The following SORCS3 variants were observed in gnomAD, a reference collection of about 807,000 sequenced individuals.
SORCS3 encodes VPS10 domain-containing receptor SorCS3.
In SORCS3, 57 loss-of-function variants were observed where a neutral mutation model predicts 146.3. The ratio of observed to expected loss-of-function variants is 0.39; its 90% confidence interval spans 0.31 to 0.49. The LOEUF (loss-of-function observed/expected upper bound fraction) is 0.49. Among genes scored for constraint, SORCS3 ranks in the 20% least tolerant of loss-of-function variants. The pLI, the probability that SORCS3 is intolerant of heterozygous loss-of-function variation, is 0.92. For missense variants in SORCS3, 1,341 were observed against 1,575.5 expected (o/e 0.85, Z 2.52); for synonymous variants, 653 against 618.5 (o/e 1.06, Z -0.83).
chr10:105,130,447 GC>G (rs903765363), intron 7 of SORCS3, among the ~76,000 whole-genome samples: 12 of 152,016 alleles, frequency 7.9e-5, no homozygotes, highest in African/African-American at 2.9e-4. Flanking sequence ...TGCCATACTA[GC>G]ATTAACAAAA....
chr10:105,261,467 C>T (rs1236004798), intron 25 of SORCS3, among the ~76,000 whole-genome samples: 1 of 152,196 alleles, frequency 6.6e-6, no homozygotes, highest in Non-Finnish European at 1.5e-5. Flanking sequence ...CTCAACCCAT[C>T]CAGTCCAGAC....
chr10:105,060,857 A>C (rs2055481025), intron 5 of SORCS3, among the ~76,000 whole-genome samples: 1 of 152,060 alleles, frequency 6.6e-6, no homozygotes, highest in Non-Finnish European at 1.5e-5. Flanking sequence ...GAATCCCTTC[A>C]ACCCGGGAGG....
Position 104,890,124 on chromosome 10 carries a change from C to T in SORCS3, c.696-25709C>T, listed in dbSNP as rs182205518. Among the ~76,000 whole-genome samples, 269 of 152,024 alleles carry T rather than the reference C, an allele frequency of 1.8e-3. 1 individual carries two copies. Among genetic ancestry groups the T allele is most frequent in the Middle Eastern group, 0.01 (3 of 294 alleles). On this transcript the variant is annotated intron_variant, in intron 2 of 26. Coordinates refer to ENST00000369701, the MANE Select transcript of SORCS3 (RefSeq NM_014978.3). ...ATCACTGATGTTAAGCAATTGAGTA[C>T]GACGTGCTTTGATGTTGTTTTATTC...
At chr10:104,757,721 T>C (rs551028082) in intron 1 of SORCS3, among the ~76,000 whole-genome samples, 3 of 152,144 alleles carry the variant, frequency 2.0e-5, no homozygotes, top group Non-Finnish European at 2.9e-5. Flanking sequence ...CTTTTCTTTC[T>C]TTCGAGTTCT....
At chr10:104,791,684 C>T (rs2017497165) in intron 1 of SORCS3, among the ~76,000 whole-genome samples, 1 of 152,170 alleles carries the variant, frequency 6.6e-6, no homozygotes, top group African/African-American at 2.4e-5. Context: ...CGTGGGAATG[C>T]TGATGTCTGA....
chr10:105,233,856 G>A (rs2056778461), intron 20 of SORCS3, among the ~76,000 whole-genome samples: 1 of 152,134 alleles, frequency 6.6e-6, no homozygotes, highest in African/African-American at 2.4e-5. Context: ...TGTGAACAGT[G>A]CCACAATAAA....
intron 5 of SORCS3, among the ~76,000 whole-genome samples, chr10:105,081,135 A>G (rs991706565): frequency 2.0e-5 from 3 of 152,224 alleles, no homozygotes; most frequent in Non-Finnish European, 4.4e-5. Flanking sequence ...TAATAAAATT[A>G]TCATTTTTAA....
intron 3 of SORCS3, among the ~76,000 whole-genome samples, chr10:104,925,393 A>G (rs772179884): frequency 6.6e-6 from 1 of 152,206 alleles, no homozygotes; most frequent in African/African-American, 2.4e-5. Flanking sequence ...TGTCCAAGGC[A>G]AACATGATAT....
At chr10:105,208,753 C>T (rs972638800) in intron 16 of SORCS3, among the ~76,000 whole-genome samples, 1 of 151,954 alleles carries the variant, frequency 6.6e-6, no homozygotes, top group Admixed American at 6.6e-5. Context: ...TTAATAGTGG[C>T]TTTAACAACC....
At chr10:105,127,393 A>G (rs1231131000) in intron 7 of SORCS3, among the ~76,000 whole-genome samples, 1 of 152,140 alleles carries the variant, frequency 6.6e-6, no homozygotes, top group East Asian at 1.9e-4. Context: ...CAAAGTGAAA[A>G]GAGCCTGGAG....
chr10:104,696,971 G>T (rs904659129), intron 1 of SORCS3, among the ~76,000 whole-genome samples: 2 of 150,206 alleles, frequency 1.3e-5, no homozygotes, highest in Non-Finnish European at 3.0e-5. Context: ...ACTGGCGGGT[G>T]GAGGATATGG....
chr10:104,720,685 G>A (rs1589471713), intron 1 of SORCS3, among the ~76,000 whole-genome samples: 1 of 152,296 alleles, frequency 6.6e-6, no homozygotes, highest in South Asian at 2.1e-4. Context: ...GTGTGAGATG[G>A]TATCTCATTG....
At chr10:104,986,084 T>C (rs2054960562) in intron 4 of SORCS3, among the ~76,000 whole-genome samples, 1 of 152,258 alleles carries the variant, frequency 6.6e-6, no homozygotes, top group Non-Finnish European at 1.5e-5. Context: ...GTGAAAGTCC[T>C]AGATGACACT....
intron 1 of SORCS3, among the ~76,000 whole-genome samples, chr10:104,716,301 C>T (rs1468000067): frequency 2.0e-5 from 3 of 152,104 alleles, no homozygotes; most frequent in Admixed American, 1.3e-4. Flanking sequence ...GATATCTACA[C>T]GGAAGGTCCT....
In SORCS3 at chr10:104,901,141, C is replaced by T. The variant is rs147848244; in HGVS notation, c.696-14692C>T. 2.2e-4 allele frequency among the ~76,000 whole-genome samples: 34 copies of T among 152,284 alleles called. No individual in the cohort carries two copies. The East Asian group carries it at 6.4e-3, about 29-fold the overall frequency. Reference sequence around the variant, plus strand: ...TCTTCATTGACATTGTCACCATCATCATCATATTAATAATGGCCACCATTT... The same window carrying T: ...TCTTCATTGACATTGTCACCATCATTATCATATTAATAATGGCCACCATTT... On this transcript the variant is annotated intron_variant, in intron 2 of 26. Coordinates refer to ENST00000369701, the MANE Select transcript of SORCS3 (RefSeq NM_014978.3).
At chr10:104,835,734 A>AT (rs1003537913) in intron 1 of SORCS3, among the ~76,000 whole-genome samples, 4 of 152,102 alleles carry the variant, frequency 2.6e-5, no homozygotes, top group Admixed American at 6.6e-5. Context: ...ATGGATGAGC[A>AT]TTTTTTTAGA....
At chr10:105,019,178 A>G (rs1024655587) in intron 4 of SORCS3, among the ~76,000 whole-genome samples, 5 of 152,212 alleles carry the variant, frequency 3.3e-5, no homozygotes, top group Admixed American at 2.0e-4. Flanking sequence ...AATTTCTACA[A>G]AACTACATAT....
At chr10:104,779,559 G>A (rs986016527) in intron 1 of SORCS3, among the ~76,000 whole-genome samples, 1 of 152,212 alleles carries the variant, frequency 6.6e-6, no homozygotes, top group African/African-American at 2.4e-5. Flanking sequence ...CGGAGGAAGT[G>A]TGAAGGCTGC....
intron 14 of SORCS3, among the ~76,000 whole-genome samples, chr10:105,196,125 T>C (rs533575732): frequency 6.6e-6 from 1 of 152,294 alleles, no homozygotes; most frequent in African/African-American, 2.4e-5. Flanking sequence ...AGATCAGTAA[T>C]GGATATCTCA....
Sources: gnomAD v4.1 joint callset for allele counts (sites outside exome capture counted in the v4.1 genomes callset) on GRCh38, gnomAD v4.1.1 for gene constraint, MANE v1.5 for transcripts, NCBI Gene and HGNC (gene_info 2026-07-23, HGNC 2026-07-21) for gene names.